Variants in MME observed in about 807,000 individuals in gnomAD.
MME encodes neprilysin.
MME carries 98 observed loss-of-function variants against 113.2 expected under a neutral mutation model. The observed-to-expected ratio is 0.87, with a 90% CI of 0.74 to 1.02. The LOEUF (loss-of-function observed/expected upper bound fraction) is 1.02. MME is among the 50% of genes least tolerant of loss of function. MME has a pLI of 0.00. For missense variants in MME, 836 were observed against 896.0 expected, an observed-to-expected ratio of 0.93 and a Z score of 0.86; for synonymous variants, 292 against 300.6, an observed-to-expected ratio of 0.97 and a Z score of 0.30.
chr3:155,075,730 T>A (rs972792330), upstream of MME, among the ~76,000 whole-genome samples: 1 of 152,164 alleles, frequency 6.6e-6, no homozygotes, highest in African/African-American at 2.4e-5. Context: ...ACTATGTTGC[T>A]CAGGCTGGTC....
rs189858667 is a variant in MME, at chr3:155,134,498, C to A, written c.721-3604C>A. Among the ~76,000 whole-genome samples, 143 of 152,194 alleles carry A rather than the reference C, an allele frequency of 9.4e-4. 1 individual carries two copies. Among genetic ancestry groups the A allele is most frequent in the African/African-American group, 3.3e-3 (135 of 41,534 alleles). Reference sequence around the variant, plus strand: ...TTCTTTTTTATGGCTGCATAGTATTCCAGGGTGTATATGTACCACATTTTC... The same window carrying A: ...TTCTTTTTTATGGCTGCATAGTATTACAGGGTGTATATGTACCACATTTTC... On this transcript the variant is annotated intron_variant, in intron 8 of 22. Coordinates refer to ENST00000360490, the MANE Select transcript of MME (RefSeq NM_007289.4).
chr3:155,175,874 T>C (rs1259785854), intron 22 of MME, among the ~76,000 whole-genome samples: 1 of 152,158 alleles, frequency 6.6e-6, no homozygotes, highest in East Asian at 1.9e-4. Flanking sequence ...CCTTCAATAT[T>C]AGCATTGGTT....
At chr3:155,070,823 A>G (rs1474138184) in intron 1 of MME, among the ~76,000 whole-genome samples, 1 of 152,166 alleles carries the variant, frequency 6.6e-6, no homozygotes, top group Non-Finnish European at 1.5e-5. Context: ...CACCTCTGCC[A>G]AACATCAGAG....
rs778236963 is a variant in MME, at chr3:155,116,891, G to T, written c.559G>T (p.Ala187Ser). The T allele has an allele frequency of 1.2e-6, 2 of 1,611,700 alleles. No homozygotes were observed. Among genetic ancestry groups the T allele is most frequent in the South Asian group, 2.2e-5 (2 of 90,938 alleles). ...AGGTGCTTCTTGGACAGCTGAAAAA[G>T]CTATTGCACAACTGAATTCTAAATA... ...KYGASWTAEK[A>S]IAQLNSKYGK... The change falls in exon 7 of 23, where the codon GCT (alanine) becomes TCT (serine). Residue 187 changes from alanine (A) to serine (S), a missense_variant. By Grantham distance (99) the Ala-to-Ser change is moderately conservative (BLOSUM62 1). Transcript: ENST00000360490.
intron 16 of MME, among the ~76,000 whole-genome samples, chr3:155,149,104 C>T (rs1721736872): frequency 6.6e-6 from 1 of 152,124 alleles, no homozygotes; most frequent in South Asian, 2.1e-4. Flanking sequence ...ACTTTTCTAA[C>T]CCTGTGGTAG....
intron 1 of MME, among the ~76,000 whole-genome samples, chr3:155,074,171 A>G (rs1714669963): frequency 6.6e-6 from 1 of 151,990 alleles, no homozygotes; most frequent in Non-Finnish European, 1.5e-5. Flanking sequence ...ATTTTTATGT[A>G]CTACTGCATT....
intron 1 of MME, among the ~76,000 whole-genome samples, chr3:155,061,069 T>C (rs1022678278): frequency 6.6e-6 from 1 of 152,182 alleles, no homozygotes; most frequent in African/African-American, 2.4e-5. Flanking sequence ...TCTAAATCTT[T>C]CAGAACTTTG....
At chr3:155,143,323 T>C in intron 12 of MME, 120 bp from the exon 13 acceptor site, 2 of 1,149,794 alleles carry the variant, frequency 1.7e-6, no homozygotes, top group Non-Finnish European at 2.6e-6. Flanking sequence ...ACATGGGCCT[T>C]GTGAGGAGAA....
At chr3:155,039,804 C>G (rs111461373) in intron 1 of MME, among the ~76,000 whole-genome samples, 6,642 of 151,946 alleles carry the variant, frequency 0.044, 158 homozygotes, top group African/African-American at 0.053. Context: ...TTTTTCTTCC[C>G]AGTTTCATTA....
intron 16 of MME, among the ~76,000 whole-genome samples, chr3:155,150,287 A>T (rs769675974): frequency 2.0e-5 from 3 of 152,178 alleles, no homozygotes; most frequent in Non-Finnish European, 2.9e-5. Flanking sequence ...CAGTTTCATA[A>T]TCATTTTGTC....
chr3:155,140,058 C>T (rs1720940420), intron 9 of MME, 133 bp from the exon 10 acceptor site: 1 of 527,534 alleles, frequency 1.9e-6, no homozygotes, highest in Admixed American at 3.8e-5. Context: ...AATGACAAAA[C>T]AAATTACAAA....
intron 1 of MME, among the ~76,000 whole-genome samples, chr3:155,031,643 G>A (rs1712974660): frequency 6.6e-6 from 1 of 151,992 alleles, no homozygotes; most frequent in African/African-American, 2.4e-5. Context: ...GCCAGCTTTT[G>A]CTTTTTGTTT....
At chr3:155,072,086 G>A (rs562512930) in intron 1 of MME, among the ~76,000 whole-genome samples, 2 of 150,866 alleles carry the variant, frequency 1.3e-5, no homozygotes, top group South Asian at 2.1e-4. Flanking sequence ...GCATGAACCC[G>A]GGAAGCGGAG....
rs535725961 is a variant in MME, at chr3:155,086,651, G to A, written c.196+1557G>A. 7.9e-5 allele frequency among the ~76,000 whole-genome samples: 12 copies of A among 152,318 alleles called. No individual in the cohort carries two copies. In the South Asian group the frequency reaches 2.1e-3, roughly 26 times the overall value. On this transcript the variant is annotated intron_variant, in intron 3 of 22. Transcript: ENST00000360490. ...TCTTCTTTCTTCAAGAAAAAGGAAG[G>A]TGGTAGCTGAGGGCAGCACCTGGGA...
intron 8 of MME, among the ~76,000 whole-genome samples, chr3:155,134,674 A>G (rs893114425): frequency 3.3e-5 from 5 of 152,170 alleles, no homozygotes; most frequent in African/African-American, 9.6e-5. Flanking sequence ...TTTCTGGGTC[A>G]AATGGTAGTT....
intron 1 of MME, among the ~76,000 whole-genome samples, chr3:155,026,661 T>G (rs956643531): frequency 6.6e-6 from 1 of 152,056 alleles, no homozygotes; most frequent in African/African-American, 2.4e-5. Flanking sequence ...CAGGCAGAGG[T>G]TGTACTGAGC....
intron 3 of MME, among the ~76,000 whole-genome samples, chr3:155,094,565 CAGAGAG>C (rs1311506848): frequency 1.3e-5 from 2 of 152,014 alleles, no homozygotes; most frequent in Non-Finnish European, 2.9e-5. Context: ...TAGCCAGAAA[CAGAGAG>C]AAAGAAAAAA....
chr3:155,101,529 T>C (rs1399554575), intron 3 of MME, among the ~76,000 whole-genome samples: 1 of 152,330 alleles, frequency 6.6e-6, no homozygotes, highest in East Asian at 1.9e-4. Context: ...TAAATGGGTT[T>C]CTGCCTTCTC....
upstream of MME, among the ~76,000 whole-genome samples, chr3:155,076,804 G>A (rs1432812673): frequency 6.6e-6 from 1 of 152,190 alleles, no homozygotes; most frequent in African/African-American, 2.4e-5. Flanking sequence ...AACTATATAG[G>A]TTAACTTCTG....
Sources: gnomAD v4.1 joint callset for allele counts (sites outside exome capture counted in the v4.1 genomes callset) on GRCh38, gnomAD v4.1.1 for gene constraint, MANE v1.5 for transcripts, NCBI Gene and HGNC (gene_info 2026-07-23, HGNC 2026-07-21) for gene names.